Variants in TTC34 observed in about 807,000 individuals in gnomAD.
TTC34 encodes tetratricopeptide repeat protein 34.
In TTC34, 44 loss-of-function variants were observed where a neutral mutation model predicts 40.7. The ratio of observed to expected loss-of-function variants is 1.08; its 90% CI spans 0.85 to 1.39. The LOEUF is 1.39. Among genes scored for constraint, TTC34 ranks in the 40% most tolerant of loss-of-function variants. The pLI is 0.00. For missense variants in TTC34, 884 were observed against 838.0 expected (o/e 1.05, Z -0.68); for synonymous variants, 422 against 398.6 (o/e 1.06, Z -0.70).
chr1:2,700,335 G>A lies in TTC34; in HGVS notation c.2227-54772C>T, dbSNP rs36065079. On this transcript the variant is annotated intron_variant, in intron 6 of 8. Coordinates refer to ENST00000401095, the Ensembl canonical transcript of TTC34. ...ACAGTCTGGGGCAGCACCCACTCCC[G>A]CAGGTGAGCATCCGACAGCCTGGAG... Among the ~76,000 whole-genome samples the A allele has an allele frequency of 4.5e-5, 3 of 66,392 alleles. 1 individual carries two copies. Among genetic ancestry groups the A allele is most frequent in the Non-Finnish European group, 6.9e-5 (2 of 29,160 alleles). The allele number at this position is 66,392 out of a possible 152,430, so 43.6% of individuals were successfully genotyped here.
chr1:2,753,076 C>G (rs1641378523), intron 6 of TTC34, among the ~76,000 whole-genome samples: 3 of 149,268 alleles, frequency 2.0e-5, no homozygotes, highest in Admixed American at 6.7e-5. Context: ...CATCTGACAG[C>G]CTGGAACGGC....
intron 8 of TTC34, 148 bp from the exon 9 acceptor site, chr1:2,642,043 T>C (rs1219551587): frequency 3.3e-6 from 3 of 919,144 alleles, no homozygotes; most frequent in African/African-American, 1.7e-5. Context: ...AGCTGCCCGC[T>C]GCTTCTGGAG....
chr1:2,798,771 AAGCCTCCCAGCCCCCC>A (rs1456857537), intron 2 of TTC34, among the ~76,000 whole-genome samples: 3 of 8,090 alleles, frequency 3.7e-4, no homozygotes, highest in African/African-American at 1.9e-3. Flanking sequence ...CTCAGCCTCC[AAGCCTCCCAGCCCCCC>A]AGCCTCCCAG....
chr1:2,655,620 G>A (rs1215905575), intron 6 of TTC34, among the ~76,000 whole-genome samples: 10 of 150,652 alleles, frequency 6.6e-5, no homozygotes. Flanking sequence ...GCACCCCCAA[G>A]TGAGCATCTG....
chr1:2,789,057 G>A (rs1478122835), intron 3 of TTC34, among the ~76,000 whole-genome samples: 1 of 152,118 alleles, frequency 6.6e-6, no homozygotes, highest in Non-Finnish European at 1.5e-5. Context: ...CAGCCTGGGC[G>A]GCAGAGTAAG....
At chr1:2,647,352 C>G (rs1639038815) in intron 6 of TTC34, among the ~76,000 whole-genome samples, 1 of 152,140 alleles carries the variant, frequency 6.6e-6, no homozygotes, top group African/African-American at 2.4e-5. Flanking sequence ...AGGCCAGGTG[C>G]AGTGGCTCAC....
intron 6 of TTC34, among the ~76,000 whole-genome samples, chr1:2,677,925 C>T (rs867617550): frequency 8.5e-5 from 3 of 35,332 alleles, no homozygotes; most frequent in African/African-American, 2.3e-4. Flanking sequence ...TGGAGCAGCA[C>T]CCTGCACCCC....
intron 2 of TTC34, among the ~76,000 whole-genome samples, chr1:2,793,147 T>C (rs1417589051): frequency 6.6e-6 from 1 of 152,258 alleles, no homozygotes; most frequent in Non-Finnish European, 1.5e-5. Context: ...TGTTTTAATT[T>C]CTATTTTCCT....
intron 6 of TTC34, among the ~76,000 whole-genome samples, chr1:2,756,476 A>C (rs1641509795): frequency 1.7e-5 from 1 of 60,434 alleles, no homozygotes; most frequent in African/African-American, 9.9e-5. Context: ...CCCCCAGGCG[A>C]GTATCTGACA....
chr1:2,752,485 C>A (rs1487366794), intron 6 of TTC34, among the ~76,000 whole-genome samples: 1 of 120,434 alleles, frequency 8.3e-6, no homozygotes, highest in Non-Finnish European at 1.7e-5. Context: ...TGGAACAGCA[C>A]CCACACAGCC....
rs1171582428 is a variant in TTC34, at chr1:2,771,365, A to C, written c.2226+12244T>G. 1.5e-3 allele frequency among the ~76,000 whole-genome samples: 81 copies of C among 53,128 alleles called. 17 individuals are homozygous for C. Among genetic ancestry groups the C allele is most frequent in the Admixed American group, 2.2e-3 (13 of 5,858 alleles). 34.9% of individuals were successfully genotyped at this position (53,128 alleles called of 152,430 possible). A position where few individuals can be genotyped will look rare whatever the true frequency, so the allele number is the denominator to read the frequency against. ...CAGCCTGGAACAGAATTCTCCAACC[A>C]CAGGTGAGGATCTGACAGCCTGGAA... On this transcript the variant is annotated intron_variant, in intron 6 of 8. Transcript: ENST00000401095.
chr1:2,756,998 C>CAT (rs1641528541), intron 6 of TTC34, among the ~76,000 whole-genome samples: 1 of 144,568 alleles, frequency 6.9e-6, no homozygotes. Flanking sequence ...CCCAGGTGAG[C>CAT]CTCTGACAGC....
At chr1:2,787,881 G>A (rs1490203134) in intron 3 of TTC34, among the ~76,000 whole-genome samples, 175 bp from the exon 4 acceptor site, 2 of 152,240 alleles carry the variant, frequency 1.3e-5, no homozygotes, top group Non-Finnish European at 2.9e-5. Flanking sequence ...CTAGCATGCG[G>A]CCCTCACGCT....
intron 6 of TTC34, among the ~76,000 whole-genome samples, chr1:2,685,340 C>T (rs1440806836): frequency 1.5e-5 from 2 of 134,710 alleles, no homozygotes; most frequent in Admixed American, 7.5e-5. Context: ...CATCTGACAG[C>T]CTGGAACGGC....
At chr1:2,657,939 AC>A (rs1233375332) in intron 6 of TTC34, among the ~76,000 whole-genome samples, 2 of 101,850 alleles carry the variant, frequency 2.0e-5, no homozygotes, top group Non-Finnish European at 2.5e-5. Flanking sequence ...AGCAGCACCC[AC>A]CACTCCCAGG....
chr1:2,652,344 T>G (rs1428378311), intron 6 of TTC34, among the ~76,000 whole-genome samples: 2 of 54,538 alleles, frequency 3.7e-5, no homozygotes, highest in South Asian at 4.3e-4. Flanking sequence ...GAGCATCTGA[T>G]ATCCTGGAAC....
chr1:2,767,789 C>G (rs1222637320), intron 6 of TTC34, among the ~76,000 whole-genome samples: 1 of 146,658 alleles, frequency 6.8e-6, no homozygotes, highest in African/African-American at 2.5e-5. Flanking sequence ...ATCTGACAGC[C>G]TGGGGCAGCA....
At chr1:2,790,076 G>A in exon 3 of TTC34, 2 of 398,020 alleles carry the variant, frequency 5.0e-6, no homozygotes, top group East Asian at 7.1e-5. Context: ...GGTTACCGGG[G>A]CCAGCAGCTC....
chr1:2,785,697 G>T (rs1415565394), intron 5 of TTC34, 122 bp downstream of exon 5: 1 of 1,131,262 alleles, frequency 8.8e-7, no homozygotes, highest in Non-Finnish European at 1.2e-6. Context: ...ACCCGTGGGT[G>T]TTCCTGAGGC....
Sources: gnomAD v4.1 joint callset for allele counts (sites outside exome capture counted in the v4.1 genomes callset) on GRCh38, gnomAD v4.1.1 for gene constraint, MANE v1.5 for transcripts, NCBI Gene and HGNC (gene_info 2026-07-23, HGNC 2026-07-21) for gene names.